PROSER1: variants seen among roughly 807,000 people sequenced by gnomAD.
The protein encoded by PROSER1 is proline and serine-rich protein 1.
A neutral mutation model predicts 71.8 loss-of-function variants in PROSER1; 36 were observed. The ratio of observed to expected loss-of-function variants is 0.50; its 90% confidence interval spans 0.38 to 0.66. The LOEUF (loss-of-function observed/expected upper bound fraction) is 0.66, where lower values mean the gene tolerates loss of function less well. Ranked by LOEUF, PROSER1 falls within the 30% of genes least tolerant of loss-of-function variation. The probability of loss-of-function intolerance (pLI) is 0.00; values close to 1 mark genes in which losing one functional copy is unlikely to be tolerated. For missense variants in PROSER1, 1,107 were observed against 1,135.0 expected (o/e 0.98, Z 0.35); for synonymous variants, 490 against 452.4 (o/e 1.08, Z -1.06).
intron 10 of PROSER1, 118 bp from the exon 11 acceptor site, chr13:39,014,594 G>A (rs1869919929): frequency 5.4e-6 from 4 of 738,326 alleles, no homozygotes; most frequent in Non-Finnish European, 8.7e-6. Context: ...AAAATGACAA[G>A]TATAACAGGC....
At chr13:39,037,153 C>A (rs201180367) in intron 1 of PROSER1, 45 bp downstream of exon 1, 2 of 1,402,520 alleles carry the variant, frequency 1.4e-6, no homozygotes, top group East Asian at 2.3e-5. Flanking sequence ...GTCTAAAACA[C>A]GAGAATTCAT....
chr13:39,013,532 T>C lies in PROSER1; in HGVS notation c.1720A>G (p.Ser574Gly). ...AASASTSVPV[S>G]CGSSASLLRG... ...AAAAGGGAGGCTGAGGAGCCACAGC[T>C]AACTGGCACTGACGTGGAAGCTGAT... Residue 574 changes from serine to glycine, a missense_variant, in exon 11 of 13, where the codon AGC becomes GGC. Transcript: ENST00000352251. The C allele has an allele frequency of 6.2e-7, 1 of 1,614,068 alleles. No individual in the cohort carries two copies. The highest frequency in any genetic ancestry group is 8.5e-7 in the Non-Finnish European group (1 of 1,179,996).
rs374636768 is a variant in PROSER1 at position 39,013,250 on chromosome 13, T to C, written c.2002A>G (p.Thr668Ala). ...AGAGGATTTGAACCATTTAAAGGAG[T>C]ACTCAAGCTGGAGAGACCTGACAAT... is the stretch of plus-strand genomic sequence containing the variant. ...PALSGLSSLS[T>A]PLNGSNPLSS... The change falls in exon 11 of 13, where the codon ACT becomes GCT. Residue 668 changes from threonine (T) to alanine (A), a missense_variant. Physicochemically the swap from Thr to Ala is moderately conservative, Grantham distance 58 (BLOSUM62 0). Transcript: ENST00000352251. The C allele has an allele frequency of 1.9e-6, 3 of 1,613,614 alleles. No homozygotes were observed. In the African/African-American group the frequency reaches 4.0e-5, roughly 22 times the overall value.
At chr13:39,016,889 A>G (rs190905481) in intron 10 of PROSER1, among the ~76,000 whole-genome samples, 13 of 152,326 alleles carry the variant, frequency 8.5e-5, no homozygotes, top group Admixed American at 5.2e-4. Context: ...CTACTTTGCT[A>G]AACAAGAACT....
rs1447496767 is a variant in PROSER1, at chr13:39,014,128, G to A, written c.1124C>T (p.Pro375Leu). The change falls in exon 11 of 13, where the codon CCT becomes CTT. Residue 375 changes from proline (P) to leucine (L), a missense_variant. Physicochemically the swap from Pro to Leu is moderately conservative, Grantham distance 98 (BLOSUM62 -3). Coordinates refer to ENST00000352251, the MANE Select transcript of PROSER1 (RefSeq NM_025138.5). ...TCCTGGGGTAGGAGTGGCTGCGGTA[G>A]GAGTGGCAGAAGGACCTGGCAGTGA... ...LVSLPGPSAT[P>L]TAATPTPGPT... 5 of 1,613,582 alleles carry A rather than the reference G, an allele frequency of 3.1e-6. No individual in the cohort carries two copies. Among genetic ancestry groups the A allele is most frequent in the Non-Finnish European group, 4.2e-6 (5 of 1,179,836 alleles).
intron 8 of PROSER1, chr13:39,022,659 G>A: frequency 2.3e-6 from 1 of 441,214 alleles, no homozygotes; most frequent in Non-Finnish European, 4.0e-6. Context: ...TCAGTGAATG[G>A]CATGGCAGGC....
intron 5 of PROSER1, 123 bp from the exon 6 acceptor site, chr13:39,026,510 C>G (rs910166262): frequency 5.3e-6 from 3 of 568,874 alleles, no homozygotes; most frequent in African/African-American, 3.8e-5. Flanking sequence ...TCTGCTCATA[C>G]ATAATTCAGC....
At position 39,032,922 on chromosome 13, in the gene PROSER1, A is replaced by ATTTTTT. The variant is rs11405662; in HGVS notation, c.111+1203_111+1208dup. Reference sequence around the variant, plus strand: ...ATTATATATCTTTTTAAAACATTTAATTTTTTTTTTTTTTTTGAGACAGAG... The same window carrying ATTTTTT: ...ATTATATATCTTTTTAAAACATTTAATTTTTTTTTTTTTTTTTTTTTTGAGACAGAG... On this transcript the variant is annotated intron_variant, in intron 2 of 12. Coordinates refer to ENST00000352251, the MANE Select transcript of PROSER1 (RefSeq NM_025138.5). Among the ~76,000 whole-genome samples, 576 of 145,078 alleles carry ATTTTTT rather than the reference A, an allele frequency of 4.0e-3. 8 individuals carry two copies. Among genetic ancestry groups the ATTTTTT allele is most frequent in the African/African-American group, 0.014 (555 of 39,618 alleles).
Position 39,013,800 on chromosome 13 carries a change from G to C in PROSER1, c.1452C>G (p.Ile484Met), listed in dbSNP as rs200457664. 5.8e-5 allele frequency: 94 copies of C among 1,614,208 alleles called. 1 individual carries two copies. The Middle Eastern group carries it at 8.2e-4, about 14-fold the overall frequency. ...CAGCAGAGGATAAAGCAGAGGAGTT[G>C]ATTAAATTGGTGTCATTGGATGTCA... ...GFLTSNDTNLINSSALSSAVT... is the reference protein window; with the variant it reads ...GFLTSNDTNLMNSSALSSAVT... The change falls in exon 11 of 13, where the codon ATC (isoleucine) becomes ATG (methionine). Residue 484 changes from isoleucine (I) to methionine (M), a missense_variant. Transcript: ENST00000352251.
At position 39,017,833 on chromosome 13, in the gene PROSER1, ACT is replaced by A. The variant is rs552992048; in HGVS notation, c.731-291_731-290del. 2.3e-3 allele frequency: 661 copies of A among 284,072 alleles called. 4 individuals carry two copies. The highest frequency in any genetic ancestry group is 3.2e-3 in the Non-Finnish European group (490 of 154,368). The allele number at this position is 284,072 out of a possible 1,614,324, so 17.6% of individuals were successfully genotyped here. Reference sequence around the variant, plus strand: ...TTAGCTTGTCAAGTTTTAAATACACACTGTTAATTTTACATATATACTATATT... The same window carrying A: ...TTAGCTTGTCAAGTTTTAAATACACAGTTAATTTTACATATATACTATATT... On this transcript the variant is annotated intron_variant, in intron 9 of 12. Coordinates refer to ENST00000352251, the MANE Select transcript of PROSER1 (RefSeq NM_025138.5).
intron 8 of PROSER1, 65 bp from the exon 9 acceptor site, chr13:39,022,477 T>C: frequency 2.9e-6 from 3 of 1,046,304 alleles, no homozygotes; most frequent in Non-Finnish European, 3.0e-6. Context: ...TATTGTTCTG[T>C]GACTAGGAGT....
At position 39,013,146 on chromosome 13, in the gene PROSER1, A is replaced by G. The variant is rs1387903076; in HGVS notation, c.2106T>C (p.Ser702=). The G allele has an allele frequency of 6.2e-7, 1 of 1,614,036 alleles. No homozygotes were observed. The highest frequency in any genetic ancestry group is 1.3e-5 in the African/African-American group (1 of 74,912). The change falls in exon 11 of 13, where the codon TCT becomes TCC. Residue 702 remains serine (S), a synonymous_variant. Transcript: ENST00000352251. ...PVFTALPSFT[S]LTNNFPLTGN... ...CAGTTAAAGGAAAATTGTTGGTCAA[A>G]GAAGTAAAAGAAGGAAGAGCAGTGA...
rs1193083943 is a variant in PROSER1 at position 39,026,504 on chromosome 13, C to T, written c.370-117G>A. On this transcript the variant is annotated intron_variant, in intron 5 of 12. Coordinates refer to ENST00000352251, the MANE Select transcript of PROSER1 (RefSeq NM_025138.5). ...AAAGAACAGCACTACATTCAATCTG[C>T]TCATACATAATTCAGCACTTACAGT... 8.5e-6 allele frequency: 5 copies of T among 586,204 alleles called. No individual in the cohort carries two copies. In the East Asian group the frequency reaches 1.1e-4, roughly 13 times the overall value. The allele number at this position is 586,204 out of a possible 1,614,324, so 36.3% of individuals were successfully genotyped here.
At chr13:39,022,617 T>C in intron 8 of PROSER1, 1 of 514,208 alleles carries the variant, frequency 1.9e-6, no homozygotes, top group Non-Finnish European at 3.5e-6. Flanking sequence ...GAGATTCCTA[T>C]TTCCCACTGC....
intron 3 of PROSER1, among the ~76,000 whole-genome samples, chr13:39,029,855 G>A (rs1339575186): frequency 6.6e-6 from 1 of 152,104 alleles, no homozygotes; most frequent in Non-Finnish European, 1.5e-5. Context: ...GGGAAAAGCT[G>A]GGTTAAACAG....
In PROSER1 at chr13:39,037,343, G is replaced by A. The variant is rs1871165620; in HGVS notation, c.-101C>T. ...GATAGTAAAAAATATTTATAGCTGA[G>A]GAGGAAAAAGACTCCACGAGCAAGA... On this transcript the variant is annotated 5_prime_UTR_variant, in exon 1 of 13. Coordinates refer to ENST00000352251, the MANE Select transcript of PROSER1 (RefSeq NM_025138.5). The A allele has an allele frequency of 3.5e-6, 3 of 866,918 alleles. No individual in the cohort carries two copies. In the Admixed American group the frequency reaches 5.9e-5, roughly 17 times the overall value. 53.7% of individuals were successfully genotyped at this position (866,918 alleles called of 1,614,324 possible). A position where few individuals can be genotyped will look rare whatever the true frequency, so the allele number is the denominator to read the frequency against.
Position 39,029,267 on chromosome 13 carries a change from A to AAAAT in PROSER1, c.275+13_275+14insATTT. ...CCAAGTAAAAAAAAAAAAAAAAAAA[A>AAAAT]AAGAAATACTTACGAGGCTAACAGT... is the stretch of plus-strand genomic sequence containing the variant. On this transcript the variant is annotated intron_variant, in intron 4 of 12. Transcript: ENST00000352251. 1.4e-6 allele frequency: 2 copies of AAAAT among 1,394,918 alleles called. No homozygotes were observed. The highest frequency in any genetic ancestry group is 1.9e-6 in the Non-Finnish European group (2 of 1,032,556). The allele number at this position is 1,394,918 out of a possible 1,614,324, so 86.4% of individuals were successfully genotyped here. A position where few individuals can be genotyped will look rare whatever the true frequency, so the allele number is the denominator to read the frequency against.
rs1869722096 is a variant in PROSER1 at position 39,012,699 on chromosome 13, T to C, written c.2553A>G (p.Ala851=). The part of the protein sequence containing the change: ...FSSNFNSALV[A]QAGLSSGLQA... ...CCAAACTATCCACATACCCGGCTTG[T>C]GCAACAAGAGCGGAGTTGAAATTGG... Residue 851 remains alanine, a synonymous_variant, in exon 11 of 13, where the codon GCA becomes GCG. Transcript: ENST00000352251. 6.4e-7 allele frequency: 1 copy of C among 1,573,992 alleles called. No homozygotes were observed.
At chr13:39,025,357 C>A (rs193066996) in intron 6 of PROSER1, among the ~76,000 whole-genome samples, 1 of 152,244 alleles carries the variant, frequency 6.6e-6, no homozygotes, top group South Asian at 2.1e-4. Context: ...CCCAAGATGT[C>A]CCCCACTGAT....
Sources: allele counts gnomAD v4.1 joint callset (sites outside exome capture counted in the v4.1 genomes callset), GRCh38; gene constraint gnomAD v4.1.1; transcripts MANE v1.5; gene names NCBI Gene and HGNC (gene_info 2026-07-23, HGNC 2026-07-21).